KCNK9: variants seen among roughly 807,000 people sequenced by gnomAD.
KCNK9 encodes potassium two pore domain channel subfamily K member 9.
Under a neutral mutation model 10.8 loss-of-function variants are expected in KCNK9, and 1 was observed. The ratio of observed to expected loss-of-function variants is 0.09; its 90% CI spans 0.03 to 0.44. KCNK9 has a LOEUF of 0.44. Ranked by LOEUF, KCNK9 falls within the 20% of genes least tolerant of loss-of-function variation. The pLI, the probability that KCNK9 is intolerant of heterozygous loss-of-function variation, is 0.97. For synonymous variants in KCNK9, 231 were observed against 222.7 expected (o/e 1.04, Z -0.33); for missense variants, 303 against 515.0 (o/e 0.59, Z 3.98).
chr8:139,659,602 C>T (rs1026458759), intron 1 of KCNK9, among the ~76,000 whole-genome samples: 5 of 152,170 alleles, frequency 3.3e-5, no homozygotes, highest in African/African-American at 4.8e-5. Flanking sequence ...AGCTCCACCC[C>T]CCAGGTTCAC....
intron 1 of KCNK9, among the ~76,000 whole-genome samples, chr8:139,660,887 T>C (rs1816135739): frequency 1.3e-5 from 2 of 152,176 alleles, no homozygotes; most frequent in African/African-American, 4.8e-5. Flanking sequence ...GAGGACCCAG[T>C]TGCTTCCACT....
chr8:139,653,062 C>T (rs1359714944), intron 1 of KCNK9, among the ~76,000 whole-genome samples: 1 of 152,216 alleles, frequency 6.6e-6, no homozygotes, highest in Non-Finnish European at 1.5e-5. Context: ...CGCCCCAGCA[C>T]TCCTCAAATG....
intron 1 of KCNK9, among the ~76,000 whole-genome samples, chr8:139,625,259 C>T (rs575697265): frequency 2.0e-5 from 3 of 152,314 alleles, no homozygotes; most frequent in South Asian, 2.1e-4. Context: ...CCTTCTTAGC[C>T]GGTTACTAGG....
At chr8:139,629,894 G>C (rs956594790) in intron 1 of KCNK9, among the ~76,000 whole-genome samples, 1 of 152,132 alleles carries the variant, frequency 6.6e-6, no homozygotes, top group Non-Finnish European at 1.5e-5. Context: ...GGTCACATTG[G>C]AAGTTAGGGC....
intron 1 of KCNK9, among the ~76,000 whole-genome samples, chr8:139,687,648 A>T (rs1391947378): frequency 8.9e-5 from 10 of 112,132 alleles, no homozygotes; most frequent in African/African-American, 3.2e-4. Flanking sequence ...ATGTATACAT[A>T]TATATTCATA....
chr8:139,658,661 C>T (rs1402372991), intron 1 of KCNK9, among the ~76,000 whole-genome samples: 3 of 152,212 alleles, frequency 2.0e-5, no homozygotes, highest in Admixed American at 6.5e-5. Flanking sequence ...ATGCTATTCT[C>T]ACAAACCAGA....
At chr8:139,701,291 G>A (rs1224675899) in intron 1 of KCNK9, among the ~76,000 whole-genome samples, 2 of 152,156 alleles carry the variant, frequency 1.3e-5, no homozygotes, top group African/African-American at 2.4e-5. Context: ...ATAACAGAAG[G>A]ACAATTTCCT....
At position 139,703,097 on chromosome 8, in the gene KCNK9, C is replaced by T; in HGVS notation, c.-105G>A. 4.2e-6 allele frequency: 4 copies of T among 959,222 alleles called. No homozygotes were observed. The highest frequency in any genetic ancestry group is 1.3e-6 in the Non-Finnish European group (1 of 743,258). The allele number at this position is 959,222 out of a possible 1,614,324, so 59.4% of individuals were successfully genotyped here. On this transcript the variant is annotated 5_prime_UTR_variant, in exon 1 of 2. Coordinates refer to ENST00000520439, the MANE Select transcript of KCNK9 (RefSeq NM_001282534.2). This position sits in a 1 kb window ranked among gnomAD's most constrained non-coding sequence, Gnocchi z 6.4. ...CCGCCGCCGCCTCCTCCTCCGCCGC[C>T]GCCGCCGCCGCCTCCAAGTTGTAAG... is the stretch of plus-strand genomic sequence containing the variant.
intron 2 of KCNK9, among the ~76,000 whole-genome samples, chr8:139,607,459 C>T (rs1814257976): frequency 6.6e-6 from 1 of 152,174 alleles, no homozygotes; most frequent in African/African-American, 2.4e-5. Flanking sequence ...AGCTGCCGGG[C>T]CCACTGTTGC....
chr8:139,683,286 G>C (rs1816728329), intron 1 of KCNK9, among the ~76,000 whole-genome samples: 1 of 152,130 alleles, frequency 6.6e-6, no homozygotes, highest in Non-Finnish European at 1.5e-5. Flanking sequence ...AGCAGCCAGA[G>C]AGAAGAGCAC....
chr8:139,657,531 C>T (rs1394381195), intron 1 of KCNK9, among the ~76,000 whole-genome samples: 4 of 152,048 alleles, frequency 2.6e-5, no homozygotes, highest in Non-Finnish European at 4.4e-5. Context: ...TGTGAGCTTC[C>T]GGCACTGGCT....
Position 139,618,141 on chromosome 8 carries a change from G to T in KCNK9, c.*117C>A. On this transcript the variant is annotated 3_prime_UTR_variant, in exon 2 of 2. Transcript: ENST00000520439. This position sits in a 1 kb window ranked among gnomAD's most constrained non-coding sequence, Gnocchi z 7.9. ...AGAGACCAAGAAAGGAGGAAGGAGA[G>T]AAAGTAATAATGATGACAATAATAA... 5 of 1,384,502 alleles carry T rather than the reference G, an allele frequency of 3.6e-6. No individual in the cohort carries two copies. Among genetic ancestry groups the T allele is most frequent in the Non-Finnish European group, 5.0e-6 (5 of 1,002,226 alleles). 85.8% of individuals were successfully genotyped at this position (1,384,502 alleles called of 1,614,324 possible). A position where few individuals can be genotyped will look rare whatever the true frequency, so the allele number is the denominator to read the frequency against.
At chr8:139,632,249 G>A (rs760488195) in intron 1 of KCNK9, among the ~76,000 whole-genome samples, 2 of 152,156 alleles carry the variant, frequency 1.3e-5, no homozygotes, top group Non-Finnish European at 2.9e-5. Flanking sequence ...TGCAAAAAAA[G>A]GGCCTCAAAA....
chr8:139,610,072 C>A (rs1814370964), downstream of KCNK9, among the ~76,000 whole-genome samples: 1 of 152,128 alleles, frequency 6.6e-6, no homozygotes, highest in South Asian at 2.1e-4. Context: ...CCAGCCTCTG[C>A]CCTCCCTCAG....
At chr8:139,658,579 C>A (rs1167301739) in intron 1 of KCNK9, among the ~76,000 whole-genome samples, 1 of 152,216 alleles carries the variant, frequency 6.6e-6, no homozygotes, top group Non-Finnish European at 1.5e-5. Flanking sequence ...AAAGATACCA[C>A]GGAGGGGAGA....
At chr8:139,625,644 TG>T (rs924734121) in intron 1 of KCNK9, among the ~76,000 whole-genome samples, 30 of 151,090 alleles carry the variant, frequency 2.0e-4, no homozygotes, top group African/African-American at 7.1e-4. Context: ...ATATACTTAG[TG>T]GGTCTCTTTG....
intron 1 of KCNK9, among the ~76,000 whole-genome samples, chr8:139,640,744 C>T (rs1815480944): frequency 6.6e-6 from 1 of 152,166 alleles, no homozygotes. Flanking sequence ...GGGGAAAATC[C>T]CACCATCTTC....
rs1004071437 is a variant in KCNK9 at position 139,617,931 on chromosome 8, C to T, written c.*327G>A. On this transcript the variant is annotated 3_prime_UTR_variant, in exon 2 of 2. Coordinates refer to ENST00000520439, the MANE Select transcript of KCNK9 (RefSeq NM_001282534.2). ...TGTCTCCGTGGTCTTGGTCTCACAT[C>T]TGTCCCGGGAAAACCACTGCAGAGA... 4 of 363,320 alleles carry T rather than the reference C, an allele frequency of 1.1e-5. No individual in the cohort carries two copies. Among genetic ancestry groups the T allele is most frequent in the African/African-American group, 4.2e-5 (2 of 47,576 alleles). 22.5% of individuals were successfully genotyped at this position (363,320 alleles called of 1,614,324 possible). A position where few individuals can be genotyped will look rare whatever the true frequency, so the allele number is the denominator to read the frequency against.
chr8:139,692,793 G>A (rs562949761), intron 1 of KCNK9, among the ~76,000 whole-genome samples: 1 of 152,250 alleles, frequency 6.6e-6, no homozygotes, highest in African/African-American at 2.4e-5. Flanking sequence ...CCAACTGAAT[G>A]CCCATGCCCT....
Sources: allele counts gnomAD v4.1 joint callset (sites outside exome capture counted in the v4.1 genomes callset), GRCh38; gene constraint gnomAD v4.1.1; non-coding constraint Gnocchi (gnomAD v3.1); transcripts MANE v1.5; gene names NCBI Gene and HGNC (gene_info 2026-07-23, HGNC 2026-07-21).